The following TNFRSF10D variants were observed in gnomAD, a reference collection of about 807,000 sequenced individuals.
TNFRSF10D encodes tumor necrosis factor receptor superfamily member 10D.
TNFRSF10D carries 28 observed loss-of-function variants against 42.1 expected under a neutral mutation model. The observed-to-expected ratio is 0.66, with a 90% CI of 0.49 to 0.91. The LOEUF is 0.91. Among genes scored for constraint, TNFRSF10D ranks in the 40% least tolerant of loss-of-function variants. The probability of loss-of-function intolerance (pLI) is 0.00; values close to 1 mark genes in which losing one functional copy is unlikely to be tolerated. For synonymous variants in TNFRSF10D, 186 were observed against 189.4 expected (o/e 0.98, Z 0.15); for missense variants, 503 against 486.1 (o/e 1.03, Z -0.33).
rs1481153967 is a variant in TNFRSF10D, at chr8:23,148,112, T to C, written c.370+326A>G. On this transcript the variant is annotated intron_variant, in intron 3 of 8. Coordinates refer to ENST00000312584, the MANE Select transcript of TNFRSF10D (RefSeq NM_003840.5). ...AAAATTAGCTGGGTGTGGTGGTGCA[T>C]GCCTGTGATCCCAGCTACTTAGGAG... 4.8e-5 allele frequency among the ~76,000 whole-genome samples: 7 copies of C among 146,518 alleles called. No homozygotes were observed. The East Asian group carries it at 1.4e-3, about 29-fold the overall frequency.
At chr8:23,160,574 C>T in intron 1 of TNFRSF10D, among the ~76,000 whole-genome samples, 1 of 152,234 alleles carries the variant, frequency 6.6e-6, no homozygotes, top group Non-Finnish European at 1.5e-5. Flanking sequence ...CTCATGTCCC[C>T]TGGTTGTTAG....
At position 23,135,678 on chromosome 8, in the gene TNFRSF10D, T is replaced by C. The variant is rs1814305175; in HGVS notation, c.*2192A>G. 1 of 284,810 alleles carries C rather than the reference T, an allele frequency of 3.5e-6. No homozygotes were observed. Among genetic ancestry groups the C allele is most frequent in the Non-Finnish European group, 7.0e-6 (1 of 142,648 alleles). 17.6% of individuals were successfully genotyped at this position (284,810 alleles called of 1,614,324 possible). A position where few individuals can be genotyped will look rare whatever the true frequency, so the allele number is the denominator to read the frequency against. On this transcript the variant is annotated 3_prime_UTR_variant, in exon 9 of 9. Transcript: ENST00000312584. ...TGTTATGTGCTATTTGGCCCGGGTA[T>C]AAAGCAAAACCTAAACAAATCAACC... is the stretch of plus-strand genomic sequence containing the variant.
chr8:23,145,022 C>T (rs755816812), intron 6 of TNFRSF10D, 36 bp downstream of exon 6: 2 of 1,614,084 alleles, frequency 1.2e-6, no homozygotes, highest in East Asian at 4.5e-5. Flanking sequence ...GTTCCTGAAC[C>T]CACGAAGCCC....
At chr8:23,149,819 G>A (rs544130600) in intron 2 of TNFRSF10D, among the ~76,000 whole-genome samples, 13 of 152,076 alleles carry the variant, frequency 8.5e-5, no homozygotes, top group East Asian at 3.9e-4. Context: ...CACCAACCTC[G>A]TCTCTGTCTC....
intron 1 of TNFRSF10D, among the ~76,000 whole-genome samples, chr8:23,156,524 C>A (rs1475903166): frequency 2.7e-3 from 414 of 150,982 alleles, no homozygotes; most frequent in African/African-American, 8.9e-3. Flanking sequence ...CACACCCTTA[C>A]TCCTTTTCAA....
At chr8:23,153,968 C>G (rs1800241008) in intron 2 of TNFRSF10D, among the ~76,000 whole-genome samples, 1 of 152,172 alleles carries the variant, frequency 6.6e-6, no homozygotes, top group Non-Finnish European at 1.5e-5. Flanking sequence ...ATTAATCAAC[C>G]TAAGTGTCCA....
At chr8:23,146,824 G>T in intron 4 of TNFRSF10D, 137 bp downstream of exon 4, 1 of 708,470 alleles carries the variant, frequency 1.4e-6, no homozygotes. Context: ...GCCAACGCAG[G>T]CTCAGGAAAC....
chr8:23,142,506 A>T (rs947615758), intron 7 of TNFRSF10D, among the ~76,000 whole-genome samples: 2 of 152,216 alleles, frequency 1.3e-5, no homozygotes, highest in East Asian at 3.8e-4. Flanking sequence ...ACGCAAAACC[A>T]AATACTGCGT....
chr8:23,157,583 G>A (rs980813098), intron 1 of TNFRSF10D, among the ~76,000 whole-genome samples: 8 of 152,018 alleles, frequency 5.3e-5, no homozygotes, highest in African/African-American at 1.7e-4. Flanking sequence ...TGTGCAGATC[G>A]CTTGCCACTT....
intron 5 of TNFRSF10D, among the ~76,000 whole-genome samples, 169 bp from the exon 6 acceptor site, chr8:23,145,258 G>A (rs1181356558): frequency 6.6e-6 from 1 of 152,216 alleles, no homozygotes; most frequent in Non-Finnish European, 1.5e-5. Flanking sequence ...GAGGAAGGGG[G>A]ATGAGAAGGG....
Position 23,137,513 on chromosome 8 carries a change from G to A in TNFRSF10D, c.*357C>T, listed in dbSNP as rs568932682. Reference sequence around the variant, plus strand: ...TGAGATGGAGTTTCACTGTGTTGATGAGGCTGGTCTCAAACTCCCGAGCTC... The same window carrying A: ...TGAGATGGAGTTTCACTGTGTTGATAAGGCTGGTCTCAAACTCCCGAGCTC... On this transcript the variant is annotated 3_prime_UTR_variant, in exon 9 of 9. Transcript: ENST00000312584. 1.2e-5 allele frequency: 2 copies of A among 172,310 alleles called. No individual in the cohort carries two copies. Among genetic ancestry groups the A allele is most frequent in the African/African-American group, 4.8e-5 (2 of 41,984 alleles). The allele number at this position is 172,310 out of a possible 1,614,324, so 10.7% of individuals were successfully genotyped here. A position where few individuals can be genotyped will look rare whatever the true frequency, so the allele number is the denominator to read the frequency against.
Position 23,137,383 on chromosome 8 carries a change from C to A in TNFRSF10D, c.*487G>T. On this transcript the variant is annotated 3_prime_UTR_variant, in exon 9 of 9. Transcript: ENST00000312584. ...GTTAGATGTCATTAAATGCACACAC[C>A]AGTAGAGATGGAGCTTGCAATATAA... 1 of 155,208 alleles carries A rather than the reference C, an allele frequency of 6.4e-6. No individual in the cohort carries two copies. The highest frequency in any genetic ancestry group is 1.4e-5 in the Non-Finnish European group (1 of 69,818). The allele number at this position is 155,208 out of a possible 1,614,324, so 9.6% of individuals were successfully genotyped here.
chr8:23,163,436 C>T (rs1800404444), intron 1 of TNFRSF10D, among the ~76,000 whole-genome samples: 1 of 150,162 alleles, frequency 6.7e-6, no homozygotes, highest in Admixed American at 6.6e-5. Flanking sequence ...AACGAACGAA[C>T]GAACGAAAGA....
At chr8:23,163,522 C>T (rs1800405659) in intron 1 of TNFRSF10D, among the ~76,000 whole-genome samples, 1 of 152,224 alleles carries the variant, frequency 6.6e-6, no homozygotes. Flanking sequence ...GATTCTGGAA[C>T]TTCCTCTGGG....
chr8:23,139,037 G>C (rs1034184737), intron 7 of TNFRSF10D, among the ~76,000 whole-genome samples: 3 of 151,770 alleles, frequency 2.0e-5, no homozygotes, highest in South Asian at 2.1e-4. Context: ...TTTGGAAGAG[G>C]GCAGACACAA....
At chr8:23,157,871 G>A (rs1335001674) in intron 1 of TNFRSF10D, among the ~76,000 whole-genome samples, 1 of 152,180 alleles carries the variant, frequency 6.6e-6, no homozygotes, top group African/African-American at 2.4e-5. Context: ...CAGCAGTGTT[G>A]GGCGACCATC....
At chr8:23,155,107 C>A in intron 1 of TNFRSF10D, 128 bp from the exon 2 acceptor site, 1 of 717,122 alleles carries the variant, frequency 1.4e-6, no homozygotes. Context: ...CCATTCCAAA[C>A]TTTCATTCTT....
intron 7 of TNFRSF10D, among the ~76,000 whole-genome samples, chr8:23,141,008 A>G (rs1266307850): frequency 6.6e-6 from 1 of 152,192 alleles, no homozygotes; most frequent in Non-Finnish European, 1.5e-5. Context: ...TTTTCACCAT[A>G]TACACAAATT....
intron 1 of TNFRSF10D, among the ~76,000 whole-genome samples, chr8:23,158,188 C>A (rs1318898024): frequency 6.6e-6 from 1 of 152,216 alleles, no homozygotes; most frequent in Non-Finnish European, 1.5e-5. Flanking sequence ...AACTTTCACT[C>A]CTGCTCTGAA....
Sources: allele counts gnomAD v4.1 joint callset (sites outside exome capture counted in the v4.1 genomes callset), GRCh38; gene constraint gnomAD v4.1.1; transcripts MANE v1.5; gene names NCBI Gene and HGNC (gene_info 2026-07-23, HGNC 2026-07-21).